Variants in SHISA9 observed in about 807,000 individuals in gnomAD.
SHISA9 encodes protein shisa-9.
Under a neutral mutation model 38.0 loss-of-function variants are expected in SHISA9, and 13 were observed. The ratio of observed to expected loss-of-function variants is 0.34; its 90% CI spans 0.22 to 0.54. SHISA9 has a LOEUF of 0.54. SHISA9 is among the 20% of genes least tolerant of loss of function. The pLI is 0.91. For synonymous variants in SHISA9, 275 were observed against 242.0 expected (o/e 1.14, Z -1.27); for missense variants, 538 against 575.8 (o/e 0.93, Z 0.67).
In SHISA9 at chr16:13,015,890, CTTTCTTTCTTTCTT is replaced by C. The variant is rs1555454827; in HGVS notation, c.691+99077_691+99090del. ...TCTTTCTTTCTTTCTTTCTTTCTTT[CTTTCTTTCTTTCTT>C]TCTTTTCTTTCTTTCTCCTTCCTTC... On this transcript the variant is annotated intron_variant, in intron 2 of 4. Coordinates refer to ENST00000558583, the MANE Select transcript of SHISA9 (RefSeq NM_001145204.3). Among the ~76,000 whole-genome samples, 141 of 117,124 alleles carry C rather than the reference CTTTCTTTCTTTCTT, an allele frequency of 1.2e-3. 1 individual carries two copies. The highest frequency in any genetic ancestry group is 2.8e-3 in the Admixed American group (32 of 11,460). The allele number at this position is 117,124 out of a possible 152,430, so 76.8% of individuals were successfully genotyped here. A position where few individuals can be genotyped will look rare whatever the true frequency, so the allele number is the denominator to read the frequency against.
At chr16:13,148,096 C>T (rs1416317134) in intron 2 of SHISA9, among the ~76,000 whole-genome samples, 2 of 152,092 alleles carry the variant, frequency 1.3e-5, no homozygotes, top group Non-Finnish European at 2.9e-5. Flanking sequence ...CCTGGTGTCA[C>T]TGTTCACGGC....
the SHISA9 span, among the ~76,000 whole-genome samples, chr16:13,254,417 G>A: frequency 3.3e-5 from 5 of 152,290 alleles, no homozygotes; most frequent in Admixed American, 1.3e-4. Context: ...CAACCGGAGG[G>A]TTTGTTACGA....
intron 1 of SHISA9, among the ~76,000 whole-genome samples, chr16:12,914,230 G>C (rs553179639): frequency 5.5e-4 from 83 of 152,012 alleles, no homozygotes; most frequent in Non-Finnish European, 1.0e-3. Context: ...ATTTTTAGTA[G>C]AGATGGGGTT....
At chr16:13,415,427 C>T in the SHISA9 span, among the ~76,000 whole-genome samples, 1 of 151,962 alleles carries the variant, frequency 6.6e-6, no homozygotes. Context: ...CACACTGGGC[C>T]TTATTGGAGG....
At chr16:13,043,706 T>G (rs1035351269) in intron 2 of SHISA9, among the ~76,000 whole-genome samples, 1 of 152,206 alleles carries the variant, frequency 6.6e-6, no homozygotes, top group Non-Finnish European at 1.5e-5. Context: ...TCCAGAGCCA[T>G]GCACTTTACA....
At chr16:13,181,292 TATATATATATATATATATATACAC>T (rs1339470283) in intron 2 of SHISA9, among the ~76,000 whole-genome samples, 4 of 44,378 alleles carry the variant, frequency 9.0e-5, no homozygotes, top group Admixed American at 5.8e-4. Flanking sequence ...TATATATATA[TATATATATATATATATATATACAC>T]ACACACACAC....
chr16:13,411,553 C>A, the SHISA9 span, among the ~76,000 whole-genome samples: 1 of 152,218 alleles, frequency 6.6e-6, no homozygotes, highest in Non-Finnish European at 1.5e-5. Flanking sequence ...TGCATGGGGT[C>A]ATTCAGTGAT....
chr16:13,149,212 C>T (rs995912875), intron 2 of SHISA9, among the ~76,000 whole-genome samples: 2 of 152,174 alleles, frequency 1.3e-5, no homozygotes, highest in African/African-American at 4.8e-5. Flanking sequence ...CCATATGCTC[C>T]TTCTGAAACT....
intron 2 of SHISA9, among the ~76,000 whole-genome samples, chr16:13,050,687 A>G (rs1029315040): frequency 1.1e-4 from 17 of 152,240 alleles, no homozygotes; most frequent in Admixed American, 1.1e-3. Context: ...AAAATGCAGT[A>G]ACCATTATCT....
intron 2 of SHISA9, among the ~76,000 whole-genome samples, chr16:13,012,795 C>T (rs1480586999): frequency 1.3e-5 from 2 of 152,174 alleles, no homozygotes; most frequent in Non-Finnish European, 2.9e-5. Flanking sequence ...CTTGCCACAG[C>T]CCCTCCTCCC....
chr16:13,267,512 C>T, the SHISA9 span, among the ~76,000 whole-genome samples: 5 of 152,088 alleles, frequency 3.3e-5, no homozygotes, highest in South Asian at 4.1e-4. Context: ...TAAAAAGATC[C>T]GTGCTTCTTA....
At chr16:12,933,320 A>G (rs141721023) in intron 2 of SHISA9, among the ~76,000 whole-genome samples, 1 of 151,134 alleles carries the variant, frequency 6.6e-6, no homozygotes, top group Non-Finnish European at 1.5e-5. Flanking sequence ...TTTGAGATGG[A>G]GTCTTGCTCT....
rs906313249 is a variant in SHISA9 at position 13,122,995 on chromosome 16, C to T, written c.692-80399C>T. ...CCGGGAAGCGGAGGTTGCAGTGAGC[C>T]GAGATTGTGCCACTGAACCCCAGCC... is the stretch of plus-strand genomic sequence containing the variant. On this transcript the variant is annotated intron_variant, in intron 2 of 4. Coordinates refer to ENST00000558583, the MANE Select transcript of SHISA9 (RefSeq NM_001145204.3). Among the ~76,000 whole-genome samples the T allele has an allele frequency of 2.6e-5, 4 of 151,768 alleles. No individual in the cohort carries two copies. The East Asian group carries it at 7.7e-4, about 29-fold the overall frequency.
intron 2 of SHISA9, among the ~76,000 whole-genome samples, chr16:13,054,369 C>T (rs1462423645): frequency 2.0e-5 from 3 of 152,176 alleles, no homozygotes; most frequent in Admixed American, 6.5e-5. Context: ...GACTGTTACC[C>T]TCCTTCTTTC....
the SHISA9 span, among the ~76,000 whole-genome samples, chr16:13,469,442 A>AAAGAAAGAAAGAAAGAAAAAGAAAGG: frequency 6.6e-6 from 1 of 150,978 alleles, no homozygotes; most frequent in African/African-American, 2.4e-5. Context: ...AAAGAGAAAG[A>AAAGAAAGAAAGAAAGAAAAAGAAAGG]AAGAGAAAGA....
At chr16:12,992,447 G>A (rs915255684) in intron 2 of SHISA9, among the ~76,000 whole-genome samples, 13 of 151,740 alleles carry the variant, frequency 8.6e-5, no homozygotes, top group South Asian at 4.2e-4. Context: ...CAGAAGAATC[G>A]CTTGAACCCG....
the SHISA9 span, among the ~76,000 whole-genome samples, chr16:13,414,679 C>G: frequency 7.7e-6 from 1 of 129,440 alleles, no homozygotes; most frequent in East Asian, 2.5e-4. Context: ...GAGTGTTGCC[C>G]TCTTGCCCAG....
the SHISA9 span, among the ~76,000 whole-genome samples, chr16:13,330,179 G>A: frequency 6.6e-6 from 1 of 152,226 alleles, no homozygotes; most frequent in Non-Finnish European, 1.5e-5. Context: ...TCGACTTTCT[G>A]TTTTCAGAGA....
chr16:12,982,928 T>A (rs1344619468), intron 2 of SHISA9, among the ~76,000 whole-genome samples: 1 of 152,210 alleles, frequency 6.6e-6, no homozygotes, highest in Non-Finnish European at 1.5e-5. Context: ...GGTGAAATCT[T>A]CCCCATCCCC....
Sources: gnomAD v4.1 joint callset for allele counts (sites outside exome capture counted in the v4.1 genomes callset) on GRCh38, gnomAD v4.1.1 for gene constraint, MANE v1.5 for transcripts, NCBI Gene and HGNC (gene_info 2026-07-23, HGNC 2026-07-21) for gene names.